CHRNA4: variants seen among roughly 807,000 people sequenced by gnomAD.
CHRNA4 encodes the protein cholinergic receptor nicotinic alpha 4 subunit, also known as neuronal acetylcholine receptor subunit alpha-4.
Under a neutral mutation model 48.9 loss-of-function variants are expected in CHRNA4, and 28 were observed. The ratio of observed to expected loss-of-function variants is 0.57; its 90% CI spans 0.42 to 0.79. The LOEUF is 0.79. CHRNA4 is among the 30% of genes least tolerant of loss of function. CHRNA4 has a pLI of 0.00. For synonymous variants in CHRNA4, 425 were observed against 402.3 expected (o/e 1.06, Z -0.68); for missense variants, 859 against 898.4 (o/e 0.96, Z 0.56).
At position 63,343,686 on chromosome 20, in the gene CHRNA4, T is replaced by C. The variant is rs1440446194; in HGVS notation, c.*3052A>G. 2.2e-6 allele frequency: 1 copy of C among 446,000 alleles called. No individual in the cohort carries two copies. Among genetic ancestry groups the C allele is most frequent in the South Asian group, 1.6e-5 (1 of 63,824 alleles). The allele number at this position is 446,000 out of a possible 1,614,324, so 27.6% of individuals were successfully genotyped here. A position where few individuals can be genotyped will look rare whatever the true frequency, so the allele number is the denominator to read the frequency against. On this transcript the variant is annotated 3_prime_UTR_variant, in exon 6 of 6. Transcript: ENST00000370263. Reference sequence around the variant, plus strand: ...GGAGGCAGAAGGGGCTGGGAAGCCCTGGCCAGGGCCTTCACTGGGGCCTCC... The same window carrying C: ...GGAGGCAGAAGGGGCTGGGAAGCCCCGGCCAGGGCCTTCACTGGGGCCTCC...
In CHRNA4 at chr20:63,346,481, G is replaced by T; in HGVS notation, c.*257C>A. 1 of 652,364 alleles carries T rather than the reference G, an allele frequency of 1.5e-6. No homozygotes were observed. Among genetic ancestry groups the T allele is most frequent in the Non-Finnish European group, 2.8e-6 (1 of 355,234 alleles). 40.4% of individuals were successfully genotyped at this position (652,364 alleles called of 1,614,324 possible). A position where few individuals can be genotyped will look rare whatever the true frequency, so the allele number is the denominator to read the frequency against. Reference sequence around the variant, plus strand: ...TTAGCCCGAGTCCTGCAGGTAGAAGGCGCCGACCCCCACCTCTGCTCCAAG... The same window carrying T: ...TTAGCCCGAGTCCTGCAGGTAGAAGTCGCCGACCCCCACCTCTGCTCCAAG... On this transcript the variant is annotated 3_prime_UTR_variant, in exon 6 of 6. Transcript: ENST00000370263.
At chr20:63,351,132 T>TGCC (rs2068594458) in intron 4 of CHRNA4, 105 bp from the exon 5 acceptor site, 1 of 944,850 alleles carries the variant, frequency 1.1e-6, no homozygotes, top group Non-Finnish European at 1.4e-6. Flanking sequence ...CACACCCACA[T>TGCC]CCACGCCCAC....
Position 63,358,563 on chromosome 20 carries a change from C to T in CHRNA4, c.228+985G>A, listed in dbSNP as rs575059768. On this transcript the variant is annotated intron_variant, in intron 2 of 5. Transcript: ENST00000370263. ...CCTGGACCAGCGAGCTGGGATTTGG[C>T]AGCAGGGCTGGAGCTGGCGGACTTC... 5.9e-5 allele frequency among the ~76,000 whole-genome samples: 9 copies of T among 152,338 alleles called. No individual in the cohort carries two copies. In the South Asian group the frequency reaches 1.9e-3, roughly 32 times the overall value.
At chr20:63,353,388 A>G in intron 4 of CHRNA4, among the ~76,000 whole-genome samples, 1 of 149,910 alleles carries the variant, frequency 6.7e-6, no homozygotes, top group Non-Finnish European at 1.5e-5. Flanking sequence ...GGCCATGGTG[A>G]GGAGGAGACA....
chr20:63,359,827 C>A, intron 1 of CHRNA4, 128 bp from the exon 2 acceptor site: 1 of 941,100 alleles, frequency 1.1e-6, no homozygotes. Context: ...CTCACATGAG[C>A]CCTTCCCACC....
rs2068492211 is a variant in CHRNA4, at chr20:63,346,218, C to T, written c.*520G>A. 3 of 454,230 alleles carry T rather than the reference C, an allele frequency of 6.6e-6. No individual in the cohort carries two copies. The highest frequency in any genetic ancestry group is 4.7e-5 in the South Asian group (3 of 64,460). The allele number at this position is 454,230 out of a possible 1,614,324, so 28.1% of individuals were successfully genotyped here. ...CAGATTGGAGCGCTGCTGGCTCACC[C>T]TCATGGGGCCCGAGAGGCTCAAGGA... On this transcript the variant is annotated 3_prime_UTR_variant, in exon 6 of 6. Coordinates refer to ENST00000370263, the MANE Select transcript of CHRNA4 (RefSeq NM_000744.7).
chr20:63,358,206 G>A (rs563663747), intron 2 of CHRNA4, among the ~76,000 whole-genome samples: 1 of 152,322 alleles, frequency 6.6e-6, no homozygotes, highest in African/African-American at 2.4e-5. Context: ...GGACGGGGCT[G>A]GCTGACTGGA....
At chr20:63,355,636 AG>A in intron 4 of CHRNA4, 1 of 1,282,292 alleles carries the variant, frequency 7.8e-7, no homozygotes, top group African/African-American at 1.5e-5. Flanking sequence ...GTCAGGAGCC[AG>A]CCCCCAGGCC....
At chr20:63,348,499 C>T (rs987195483) in intron 5 of CHRNA4, among the ~76,000 whole-genome samples, 19 of 152,192 alleles carry the variant, frequency 1.2e-4, no homozygotes, top group East Asian at 3.8e-4. Flanking sequence ...CTTTGGGGCT[C>T]GCTCAGCTAG....
At position 63,352,959 on chromosome 20, in the gene CHRNA4, G is replaced by A. The variant is rs376109491; in HGVS notation, c.384-1932C>T. On this transcript the variant is annotated intron_variant, in intron 4 of 5. Coordinates refer to ENST00000370263, the MANE Select transcript of CHRNA4 (RefSeq NM_000744.7). ...CCCGTTTGGGCTGAACCACCCGGCC[G>A]TGAGCCGGCTCTGGACTCGCACCAT... Among the ~76,000 whole-genome samples the A allele has an allele frequency of 2.8e-4, 42 of 147,584 alleles. 1 individual carries two copies. In the South Asian group the frequency reaches 7.1e-3, roughly 25 times the overall value.
chr20:63,346,220 C>T lies in CHRNA4; in HGVS notation c.*518G>A, dbSNP rs1363588008. On this transcript the variant is annotated 3_prime_UTR_variant, in exon 6 of 6. Transcript: ENST00000370263. ...GATTGGAGCGCTGCTGGCTCACCCT[C>T]ATGGGGCCCGAGAGGCTCAAGGACC... The T allele has an allele frequency of 1.5e-5, 7 of 454,376 alleles. No homozygotes were observed. The highest frequency in any genetic ancestry group is 3.1e-5 in the Non-Finnish European group (7 of 226,994). The allele number at this position is 454,376 out of a possible 1,614,324, so 28.1% of individuals were successfully genotyped here.
rs6011788 is a variant in CHRNA4 at position 63,359,231 on chromosome 20, G to C, written c.228+317C>G. 0.096 allele frequency among the ~76,000 whole-genome samples: 14,570 copies of C among 152,154 alleles called. 750 individuals carry two copies. Among genetic ancestry groups the C allele is most frequent in the Middle Eastern group, 0.19 (57 of 294 alleles). On this transcript the variant is annotated intron_variant, in intron 2 of 5. Transcript: ENST00000370263. ...TTGCTCCGAGGTCACAGCGTGCCCCGCCACCCCCAAGCAAGGCCTTTGCTG... is the reference window on the plus strand; with the variant it reads ...TTGCTCCGAGGTCACAGCGTGCCCCCCCACCCCCAAGCAAGGCCTTTGCTG...
At chr20:63,354,678 T>G in intron 4 of CHRNA4, 1 of 975,060 alleles carries the variant, frequency 1.0e-6, no homozygotes, top group Non-Finnish European at 1.2e-6. Context: ...TCCTGGGGGC[T>G]GCATTCCTGG....
At chr20:63,358,955 G>A (rs962222163) in intron 2 of CHRNA4, among the ~76,000 whole-genome samples, 4 of 151,964 alleles carry the variant, frequency 2.6e-5, no homozygotes, top group African/African-American at 9.7e-5. Context: ...ATCCTGCCTT[G>A]GGGCTCCATG....
intron 2 of CHRNA4, chr20:63,359,310 G>C: frequency 1.7e-6 from 1 of 597,010 alleles, no homozygotes; most frequent in Admixed American, 2.5e-5. Flanking sequence ...GCCACTTGGA[G>C]TGTTCCCACG....
intron 1 of CHRNA4, chr20:63,359,903 G>GTGTGCGCGTGCCGGGCGTGCGC (rs2068784843): frequency 5.0e-6 from 2 of 402,782 alleles, no homozygotes; most frequent in Non-Finnish European, 8.8e-6. Flanking sequence ...TGTGCTGTGT[G>GTGTGCGCGTGCCGGGCGTGCGC]TGTGTGTGTG....
rs1025632281 is a variant in CHRNA4, at chr20:63,361,146, C to G, written c.20G>C (p.Gly7Ala). The part of the protein sequence containing the change: MELGGP[G>A]APRLLPPLLL... ...CAGCGGCGGCAGCAGCCGCGGCGCTCCGGGGCCCCCTAGCTCCATGGCGCA... is the reference window on the plus strand; with the variant it reads ...CAGCGGCGGCAGCAGCCGCGGCGCTGCGGGGCCCCCTAGCTCCATGGCGCA... Residue 7 changes from glycine (G) to alanine (A), a missense_variant, in exon 1 of 6, where the codon GGA becomes GCA. Physicochemically the swap from Gly to Ala is moderately conservative, Grantham distance 60. Transcript: ENST00000370263. 14 of 1,479,170 alleles carry G rather than the reference C, an allele frequency of 9.5e-6. No individual in the cohort carries two copies. In the African/African-American group the frequency reaches 1.6e-4, roughly 17 times the overall value. The allele number at this position is 1,479,170 out of a possible 1,614,324, so 91.6% of individuals were successfully genotyped here. A position where few individuals can be genotyped will look rare whatever the true frequency, so the allele number is the denominator to read the frequency against.
rs45588436 is a variant in CHRNA4, at chr20:63,350,730, G to C, written c.681C>G (p.Ala227=). Residue 227 remains alanine, a synonymous_variant, in exon 5 of 6, where the codon GCC becomes GCG. Coordinates refer to ENST00000370263, the MANE Select transcript of CHRNA4 (RefSeq NM_000744.7). The part of the protein sequence containing the change: ...TYNTRKYECC[A]EIYPDITYAF... Reference sequence around the variant, plus strand: ...CATAGGTGATGTCCGGGTAGATCTCGGCACAGCACTCGTACTTCCTGGTGT... The same window carrying C: ...CATAGGTGATGTCCGGGTAGATCTCCGCACAGCACTCGTACTTCCTGGTGT... 19 of 1,613,490 alleles carry C rather than the reference G, an allele frequency of 1.2e-5. No individual in the cohort carries two copies. Among genetic ancestry groups the C allele is most frequent in the Non-Finnish European group, 1.6e-5 (19 of 1,179,936 alleles).
Position 63,346,025 on chromosome 20 carries a change from T to G in CHRNA4, c.*713A>C, listed in dbSNP as rs2068487763. 2.2e-6 allele frequency: 1 copy of G among 453,958 alleles called. No individual in the cohort carries two copies. Among genetic ancestry groups the G allele is most frequent in the Non-Finnish European group, 4.4e-6 (1 of 226,728 alleles). The allele number at this position is 453,958 out of a possible 1,614,324, so 28.1% of individuals were successfully genotyped here. A position where few individuals can be genotyped will look rare whatever the true frequency, so the allele number is the denominator to read the frequency against. On this transcript the variant is annotated 3_prime_UTR_variant, in exon 6 of 6. Coordinates refer to ENST00000370263, the MANE Select transcript of CHRNA4 (RefSeq NM_000744.7). ...GTGTTCCTGTCCCCCGCGGAGGGCC[T>G]GCGCAGGGGAGAGCTGGTCCCGCGT...
Sources: allele counts gnomAD v4.1 joint callset (sites outside exome capture counted in the v4.1 genomes callset), GRCh38; gene constraint gnomAD v4.1.1; transcripts MANE v1.5; gene names NCBI Gene and HGNC (gene_info 2026-07-23, HGNC 2026-07-21).